ABL1: variants seen among roughly 807,000 people sequenced by gnomAD.
ABL1 encodes the protein ABL proto-oncogene 1, non-receptor tyrosine kinase.
In ABL1, 11 loss-of-function variants were observed where a neutral mutation model predicts 94.7. The ratio of observed to expected loss-of-function variants is 0.12; its 90% confidence interval spans 0.07 to 0.19. ABL1 has a LOEUF of 0.19. Ranked by LOEUF, ABL1 falls within the 10% of genes least tolerant of loss-of-function variation. The probability of loss-of-function intolerance (pLI) is 1.00; values close to 1 mark genes in which losing one functional copy is unlikely to be tolerated. For missense variants in ABL1, 1,082 were observed against 1,489.4 expected, an observed-to-expected ratio of 0.73 and a Z score of 4.50; for synonymous variants, 656 against 622.4, an observed-to-expected ratio of 1.05 and a Z score of -0.80.
intron 1 of ABL1, among the ~76,000 whole-genome samples, chr9:130,787,633 G>T (rs1188788063): frequency 1.3e-5 from 2 of 152,162 alleles, no homozygotes; most frequent in Non-Finnish European, 2.9e-5. Flanking sequence ...GTATTGAGGG[G>T]TGCTCTCTCC....
At chr9:130,722,821 T>C (rs1831533407) in intron 1 of ABL1, among the ~76,000 whole-genome samples, 1 of 152,188 alleles carries the variant, frequency 6.6e-6, no homozygotes, top group Admixed American at 6.5e-5. Flanking sequence ...TGATCAAAGA[T>C]GATTTGACCA....
At chr9:130,803,095 A>C (rs1830077521) in intron 1 of ABL1, among the ~76,000 whole-genome samples, 1 of 152,120 alleles carries the variant, frequency 6.6e-6, no homozygotes, top group Non-Finnish European at 1.5e-5. Context: ...GCTGGAGTGC[A>C]ATGGCGCGAT....
chr9:130,731,538 T>A (rs933986922), intron 1 of ABL1, among the ~76,000 whole-genome samples: 1 of 152,168 alleles, frequency 6.6e-6, no homozygotes, highest in African/African-American at 2.4e-5. Flanking sequence ...CCTAGCTGTT[T>A]AATTGAAAAG....
upstream of ABL1, among the ~76,000 whole-genome samples, chr9:130,833,697 CAT>C (rs1331477377): frequency 6.6e-6 from 1 of 152,188 alleles, no homozygotes; most frequent in Non-Finnish European, 1.5e-5. Context: ...TGGCAGGACA[CAT>C]GTGGAAAGTT....
At chr9:130,878,594 GA>G (rs754709207) in intron 8 of ABL1, 27 bp downstream of exon 8, 2 of 1,609,722 alleles carry the variant, frequency 1.2e-6, no homozygotes, top group Non-Finnish European at 8.5e-7. Context: ...CTGTTCTCAC[GA>G]GTATATGTGG....
At chr9:130,724,779 A>G (rs993511450) in intron 1 of ABL1, 31 of 464,312 alleles carry the variant, frequency 6.7e-5, no homozygotes, top group Non-Finnish European at 4.2e-6. Flanking sequence ...AAGCAAATAA[A>G]TTCTTGAGAT....
At chr9:130,768,132 CT>C (rs556582298) in intron 1 of ABL1, among the ~76,000 whole-genome samples, 58 of 152,306 alleles carry the variant, frequency 3.8e-4, no homozygotes, top group Non-Finnish European at 7.2e-4. Context: ...GGAGAGCCCC[CT>C]TCCCCCCAAC....
intron 1 of ABL1, among the ~76,000 whole-genome samples, chr9:130,720,166 C>T (rs1013507263): frequency 6.6e-6 from 1 of 152,162 alleles, no homozygotes; most frequent in African/African-American, 2.4e-5. Flanking sequence ...ACAAAACAAT[C>T]CCTGCCCTCC....
chr9:130,727,763 C>CCCA (rs1491522038), intron 1 of ABL1, among the ~76,000 whole-genome samples: 1 of 114,362 alleles, frequency 8.7e-6, no homozygotes, highest in African/African-American at 3.3e-5. Flanking sequence ...CCCCCCCCCC[C>CCCA]AAAAAAAAGC....
Position 130,770,132 on chromosome 9 carries a change from G to A in ABL1, c.136+55677G>A, listed in dbSNP as rs1380040714. 2.6e-5 allele frequency among the ~76,000 whole-genome samples: 4 copies of A among 151,854 alleles called. No homozygotes were observed. In the East Asian group the frequency reaches 7.7e-4, roughly 29 times the overall value. On this transcript the variant is annotated intron_variant, in intron 1 of 10. Transcript: ENST00000372348. ...CAGGGTCCTAGAGCACAGAACTCTG[G>A]CTTTGTTGTCTTTATTTCTACCAGT... is the stretch of plus-strand genomic sequence containing the variant.
intron 1 of ABL1, among the ~76,000 whole-genome samples, chr9:130,796,113 C>T (rs1202923431): frequency 6.6e-6 from 1 of 152,118 alleles, no homozygotes; most frequent in East Asian, 1.9e-4. Flanking sequence ...GTAGAGGTTG[C>T]AGTGAGCCAA....
intron 10 of ABL1, among the ~76,000 whole-genome samples, chr9:130,882,118 G>A (rs901545444): frequency 3.3e-5 from 5 of 152,086 alleles, no homozygotes; most frequent in African/African-American, 9.7e-5. Flanking sequence ...TCCTCTTATC[G>A]GTTTTCCTGA....
rs71389356 is a variant in ABL1 at position 130,797,236 on chromosome 9, GAAA to G, written c.137-56801_137-56799del. Among the ~76,000 whole-genome samples, 225 of 55,156 alleles carry G rather than the reference GAAA, an allele frequency of 4.1e-3. 1 individual carries two copies. Among genetic ancestry groups the G allele is most frequent in the South Asian group, 0.013 (10 of 796 alleles). The allele number at this position is 55,156 out of a possible 152,430, so 36.2% of individuals were successfully genotyped here. A position where few individuals can be genotyped will look rare whatever the true frequency, so the allele number is the denominator to read the frequency against. On this transcript the variant is annotated intron_variant, in intron 1 of 10. Coordinates refer to the ABL1 transcript ENST00000372348. ...GGGCGACAGAGTGAGACTCCATCTC[GAAA>G]AAAAAAAAAAAAAAAAAAAAAAAAA... is the stretch of plus-strand genomic sequence containing the variant.
At chr9:130,799,385 A>G (rs576500628) in intron 1 of ABL1, among the ~76,000 whole-genome samples, 1 of 152,214 alleles carries the variant, frequency 6.6e-6, no homozygotes, top group Non-Finnish European at 1.5e-5. Flanking sequence ...AAGAGCAGGT[A>G]GAGGTTTGAC....
chr9:130,804,291 G>A (rs1415359119), intron 1 of ABL1, among the ~76,000 whole-genome samples: 3 of 128,148 alleles, frequency 2.3e-5, no homozygotes, highest in African/African-American at 3.8e-5. Context: ...CCCAGGAGGC[G>A]GATCTCGGCA....
Position 130,835,344 on chromosome 9 carries a change from GCC to G in ABL1, c.-102_-101del. ...GGCGGCGGTGAGGGCGGCTGGCGGG[GCC>G]GGGGGCGCCGGGGGGGCGCGCGGGC... On this transcript the variant is annotated 5_prime_UTR_variant, in exon 1 of 11. Coordinates refer to ENST00000318560, the MANE Select transcript of ABL1 (RefSeq NM_005157.6). The surrounding 1 kb of genome is among the most constrained non-coding windows in gnomAD (Gnocchi z 4.6). 2.9e-6 allele frequency: 1 copy of G among 341,818 alleles called. No homozygotes were observed. Among genetic ancestry groups the G allele is most frequent in the Non-Finnish European group, 3.2e-6 (1 of 310,938 alleles). The allele number at this position is 341,818 out of a possible 1,614,324, so 21.2% of individuals were successfully genotyped here. A position where few individuals can be genotyped will look rare whatever the true frequency, so the allele number is the denominator to read the frequency against.
Position 130,885,085 on chromosome 9 carries a change from C to T in ABL1, c.2795C>T (p.Thr932Ile). The change falls in exon 11 of 11, where the codon ACA (threonine) becomes ATA (isoleucine). Residue 932 changes from threonine (T) to isoleucine (I), a missense_variant. By Grantham distance (89) the Thr-to-Ile change is moderately conservative. Transcript: ENST00000318560. ...AAGEAVLGAK[T>I]KATSLVDAVN... ...GGGGAGGCAGTCCTGGGCGCAAAGA[C>T]AAAAGCCACGAGTCTGGTTGATGCT... 1 of 1,609,978 alleles carries T rather than the reference C, an allele frequency of 6.2e-7. No homozygotes were observed. Among genetic ancestry groups the T allele is most frequent in the Non-Finnish European group, 8.5e-7 (1 of 1,178,202 alleles).
intron 1 of ABL1, among the ~76,000 whole-genome samples, chr9:130,827,576 T>C (rs746858245): frequency 3.3e-5 from 5 of 152,046 alleles, no homozygotes; most frequent in Admixed American, 6.6e-5. Context: ...ATAAAGACAA[T>C]GCAGTCAACA....
rs1391835663 is a variant in ABL1, at chr9:130,835,609, G to A, written c.79+84G>A. 5.1e-6 allele frequency: 6 copies of A among 1,185,594 alleles called. No homozygotes were observed. The African/African-American group carries it at 9.2e-5, about 18-fold the overall frequency. 73.4% of individuals were successfully genotyped at this position (1,185,594 alleles called of 1,614,324 possible). ...GCCCTTCCTAGGCCTCGCCGCCCGC[G>A]CGCTCCCGCCTGCGCCCTCCCCGGG... On this transcript the variant is annotated intron_variant, in intron 1 of 10. Coordinates refer to ENST00000318560, the MANE Select transcript of ABL1 (RefSeq NM_005157.6). The surrounding 1 kb of genome is among the most constrained non-coding windows in gnomAD (Gnocchi z 4.6).
Sources: gnomAD v4.1 joint callset for allele counts (sites outside exome capture counted in the v4.1 genomes callset) on GRCh38, gnomAD v4.1.1 for gene constraint, Gnocchi (gnomAD v3.1) non-coding constraint, MANE v1.5 for transcripts, NCBI Gene and HGNC (gene_info 2026-07-23, HGNC 2026-07-21) for gene names.